Variants in ANK3 observed in about 807,000 individuals in gnomAD.
ANK3 encodes ankyrin 3.
A neutral mutation model predicts 370.9 loss-of-function variants in ANK3; 57 were observed. The ratio of observed to expected loss-of-function variants is 0.15; its 90% CI spans 0.12 to 0.19. ANK3 has a LOEUF of 0.19. ANK3 is among the 10% of genes least tolerant of loss of function. The pLI, the probability that ANK3 is intolerant of heterozygous loss-of-function variation, is 1.00. For missense variants in ANK3, 4,439 were observed against 5,302.1 expected (o/e 0.84, Z 5.06); for synonymous variants, 1,929 against 1,946.3 (o/e 0.99, Z 0.23).
intron 1 of ANK3, among the ~76,000 whole-genome samples, chr10:60,620,738 T>C (rs998022062): frequency 6.6e-6 from 1 of 152,234 alleles, no homozygotes. Context: ...AGTGGCTTTT[T>C]TGTATTTAGC....
intron 28 of ANK3, among the ~76,000 whole-genome samples, chr10:60,104,753 A>AT (rs1186810718): frequency 2.0e-5 from 3 of 152,128 alleles, no homozygotes; most frequent in Non-Finnish European, 4.4e-5. Flanking sequence ...TGGCATGACA[A>AT]TTTTTTCTAC....
At chr10:60,030,372 G>A (rs2073172720) in intron 43 of ANK3, among the ~76,000 whole-genome samples, 2 of 152,202 alleles carry the variant, frequency 1.3e-5, no homozygotes, top group South Asian at 4.2e-4. Context: ...TCGATCTCCT[G>A]ACCTCGTGAG....
chr10:60,387,067 G>A (rs1566973785), intron 1 of ANK3, among the ~76,000 whole-genome samples: 1 of 152,028 alleles, frequency 6.6e-6, no homozygotes, highest in Non-Finnish European at 1.5e-5. Context: ...GGCTGAGGCA[G>A]GAGAATCATT....
intron 1 of ANK3, among the ~76,000 whole-genome samples, chr10:60,633,705 G>A (rs1038633033): frequency 6.6e-6 from 1 of 152,076 alleles, no homozygotes; most frequent in Non-Finnish European, 1.5e-5. Flanking sequence ...CACCTCTTTG[G>A]TTTTCTGGAT....
chr10:60,166,637 G>T lies in ANK3; in HGVS notation c.2568C>A (p.Ala856=). The change falls in exon 23 of 44, where the codon GCC becomes GCA. Residue 856 remains alanine (A), a synonymous_variant. Transcript: ENST00000280772. ...MSDDEVRKAN[A]PEMLSDGEYI... is the part of the protein sequence containing the mutation. ...ATTCGCCATCACTGAGCATTTCAGG[G>T]GCATTGGCTTTACGAACTGCATGAT... 6.2e-7 allele frequency: 1 copy of T among 1,613,742 alleles called. No individual in the cohort carries two copies. Among genetic ancestry groups the T allele is most frequent in the Non-Finnish European group, 8.5e-7 (1 of 1,179,826 alleles).
At chr10:60,711,590 C>G (rs2079708551) in intron 1 of ANK3, among the ~76,000 whole-genome samples, 1 of 151,612 alleles carries the variant, frequency 6.6e-6, no homozygotes, top group African/African-American at 2.4e-5. Flanking sequence ...GAGACAACTA[C>G]AATAAGTGTA....
intron 18 of ANK3, among the ~76,000 whole-genome samples, chr10:60,177,831 A>C (rs1268050151): frequency 6.6e-6 from 1 of 151,602 alleles, no homozygotes; most frequent in Non-Finnish European, 1.5e-5. Context: ...CGATCTCTTG[A>C]CCTCGTGATC....
chr10:60,699,251 C>T (rs559167943), intron 1 of ANK3, among the ~76,000 whole-genome samples: 2 of 151,782 alleles, frequency 1.3e-5, no homozygotes, highest in South Asian at 4.2e-4. Context: ...TAACCAAACA[C>T]CATCTGTACC....
intron 40 of ANK3, chr10:60,060,696 C>CA (rs2080250302): frequency 1.3e-5 from 2 of 151,868 alleles, no homozygotes; most frequent in South Asian, 4.2e-4. Context: ...GGGTGTTGTA[C>CA]AAAAACAGAT....
chr10:60,037,036 T>TATCA (rs2075160705), intron 43 of ANK3, among the ~76,000 whole-genome samples: 1 of 152,242 alleles, frequency 6.6e-6, no homozygotes, highest in Non-Finnish European at 1.5e-5. Flanking sequence ...CTTCTTTCTC[T>TATCA]ATCATCCAGT....
intron 2 of ANK3, among the ~76,000 whole-genome samples, chr10:60,439,318 C>G (rs1248748321): frequency 6.6e-6 from 1 of 152,014 alleles, no homozygotes; most frequent in Admixed American, 6.6e-5. Context: ...TTGCATTAAA[C>G]AGAATCCTGT....
At chr10:60,441,037 C>A (rs1279141101) in intron 2 of ANK3, among the ~76,000 whole-genome samples, 1 of 151,930 alleles carries the variant, frequency 6.6e-6, no homozygotes, top group South Asian at 2.1e-4. Flanking sequence ...GTATTGCCTA[C>A]GGGCAGGAGG....
At chr10:60,158,311 C>T (rs1301451416) in intron 23 of ANK3, among the ~76,000 whole-genome samples, 1 of 152,158 alleles carries the variant, frequency 6.6e-6, no homozygotes, top group Non-Finnish European at 1.5e-5. Flanking sequence ...AATGTAAGTA[C>T]ACAGACAAAT....
intron 2 of ANK3, among the ~76,000 whole-genome samples, chr10:60,546,258 A>T (rs2133224186): frequency 6.6e-6 from 1 of 151,992 alleles, no homozygotes; most frequent in East Asian, 1.9e-4. Flanking sequence ...TTGGTCTCGA[A>T]CTCCTGGTCT....
At chr10:60,170,440 T>C (rs2095752817) in intron 21 of ANK3, among the ~76,000 whole-genome samples, 1 of 152,212 alleles carries the variant, frequency 6.6e-6, no homozygotes, top group Non-Finnish European at 1.5e-5. Flanking sequence ...CTAGTTTACA[T>C]GTAACCGCTA....
At chr10:60,464,358 T>C (rs1027604693) in intron 2 of ANK3, among the ~76,000 whole-genome samples, 2 of 152,170 alleles carry the variant, frequency 1.3e-5, no homozygotes, top group Non-Finnish European at 2.9e-5. Context: ...CATATCTTTT[T>C]CCTAAAAAAT....
intron 43 of ANK3, among the ~76,000 whole-genome samples, chr10:60,037,789 A>G (rs2075359413): frequency 6.6e-6 from 1 of 152,164 alleles, no homozygotes. Flanking sequence ...AACAATTTAT[A>G]TTCCTTTGGT....
intron 43 of ANK3, among the ~76,000 whole-genome samples, chr10:60,036,935 T>C (rs1399864066): frequency 6.6e-6 from 1 of 152,208 alleles, no homozygotes; most frequent in African/African-American, 2.4e-5. Context: ...ATATGTAACA[T>C]AAATACTTGG....
At chr10:60,402,860 C>T (rs1461964791) in intron 2 of ANK3, among the ~76,000 whole-genome samples, 2 of 152,262 alleles carry the variant, frequency 1.3e-5, no homozygotes, top group Non-Finnish European at 2.9e-5. Context: ...ATAAGAACTG[C>T]CTGGCTGATT....
Sources: allele counts gnomAD v4.1 joint callset (sites outside exome capture counted in the v4.1 genomes callset), GRCh38; gene constraint gnomAD v4.1.1; transcripts MANE v1.5; gene names NCBI Gene and HGNC (gene_info 2026-07-23, HGNC 2026-07-21).